Variants in POLQ observed in about 807,000 individuals in gnomAD.
POLQ encodes the protein DNA polymerase theta.
In POLQ, 233 loss-of-function variants were observed where a neutral mutation model predicts 259.2. The observed-to-expected ratio is 0.90, with a 90% CI of 0.81 to 1.00. The LOEUF (loss-of-function observed/expected upper bound fraction) is 1.00, where lower values mean the gene tolerates loss of function less well. POLQ is among the 50% of genes least tolerant of loss of function. POLQ has a pLI of 0.00. For missense variants in POLQ, 2,871 were observed against 3,051.6 expected (o/e 0.94, Z 1.39); for synonymous variants, 1,025 against 1,048.8 (o/e 0.98, Z 0.44).
intron 20 of POLQ, 98 bp downstream of exon 20, chr3:121,476,442 G>T: frequency 1.2e-6 from 1 of 804,954 alleles, no homozygotes; most frequent in South Asian, 2.2e-5. Context: ...CTGACCTTTG[G>T]TGTTCAGGTA....
At chr3:121,438,489 T>C (rs1187001371) in intron 27 of POLQ, among the ~76,000 whole-genome samples, 1 of 152,180 alleles carries the variant, frequency 6.6e-6, no homozygotes, top group African/African-American at 2.4e-5. Flanking sequence ...AGCCTTTTAG[T>C]CTCCTAGGTT....
chr3:121,486,246 A>T (rs2048009728), intron 16 of POLQ, among the ~76,000 whole-genome samples: 1 of 152,208 alleles, frequency 6.6e-6, no homozygotes, highest in African/African-American at 2.4e-5. Context: ...GGATATTACA[A>T]TTTAATAGAA....
At chr3:121,494,708 A>G in intron 14 of POLQ, 1 of 1,581,668 alleles carries the variant, frequency 6.3e-7, no homozygotes, top group Non-Finnish European at 8.6e-7. Flanking sequence ...GACCTGCACC[A>G]CTGTCGCCTT....
At position 121,490,039 on chromosome 3, in the gene POLQ, C is replaced by T; in HGVS notation, c.2892G>A (p.Glu964=). 6.4e-7 allele frequency: 1 copy of T among 1,573,962 alleles called. No individual in the cohort carries two copies. Among genetic ancestry groups the T allele is most frequent in the Non-Finnish European group, 8.6e-7 (1 of 1,165,106 alleles). Residue 964 remains glutamate, a synonymous_variant, in exon 16 of 30, where the codon GAG becomes GAA. Coordinates refer to ENST00000264233, the MANE Select transcript of POLQ (RefSeq NM_199420.4). ...NIVQDLNKSR[E]HTSSFNCNFQ... is the part of the protein sequence containing the mutation. The stretch of plus-strand genomic sequence containing the variant: ...AATTACAATTAAAGGAACTTGTATG[C>T]TCTCTACTTTTATTTAAGTCTTGCA...
chr3:121,453,834 C>A (rs1042886788), intron 25 of POLQ, among the ~76,000 whole-genome samples: 1 of 152,158 alleles, frequency 6.6e-6, no homozygotes, highest in African/African-American at 2.4e-5. Flanking sequence ...AGAACTTCCC[C>A]AATCTAGCAA....
Position 121,511,816 on chromosome 3 carries a change from T to C in POLQ, c.1611+71A>G, listed in dbSNP as rs1576422132. On this transcript the variant is annotated intron_variant, in intron 10 of 29. Coordinates refer to ENST00000264233, the MANE Select transcript of POLQ (RefSeq NM_199420.4). ...AAAAAATAAATAAATAAAGCTAAGA[T>C]TTTCATATACTAACATTTTACTAAT... is the stretch of plus-strand genomic sequence containing the variant. 2.5e-6 allele frequency: 3 copies of C among 1,181,640 alleles called. No individual in the cohort carries two copies. In the East Asian group the frequency reaches 7.3e-5, roughly 29 times the overall value. 73.2% of individuals were successfully genotyped at this position (1,181,640 alleles called of 1,614,324 possible). A position where few individuals can be genotyped will look rare whatever the true frequency, so the allele number is the denominator to read the frequency against.
chr3:121,459,005 T>G (rs1190159225), intron 25 of POLQ, among the ~76,000 whole-genome samples: 2 of 152,204 alleles, frequency 1.3e-5, no homozygotes, highest in African/African-American at 4.8e-5. Context: ...CCTACTGTCT[T>G]GCAAATGGCA....
chr3:121,489,872 G>A lies in POLQ; in HGVS notation c.3059C>T (p.Ser1020Leu), dbSNP rs1472295465. 5.0e-6 allele frequency: 8 copies of A among 1,605,544 alleles called. No individual in the cohort carries two copies. The highest frequency in any genetic ancestry group is 3.4e-6 in the Non-Finnish European group (4 of 1,178,114). The stretch of plus-strand genomic sequence containing the variant: ...CAAAGGTGCCTTTTTTGTTTTCTGT[G>A]AAAAAGTCTGAACAACTTTCTTATC... ...TSDKKVVQTF[S>L]QKTKKAPLNF... The change falls in exon 16 of 30, where the codon TCA becomes TTA. Residue 1020 changes from serine to leucine, a missense_variant. By Grantham distance (145) the Ser-to-Leu change is moderately radical (BLOSUM62 -2). Coordinates refer to ENST00000264233, the MANE Select transcript of POLQ (RefSeq NM_199420.4).
At chr3:121,534,947 C>T (rs2048440001) in intron 5 of POLQ, among the ~76,000 whole-genome samples, 1 of 152,138 alleles carries the variant, frequency 6.6e-6, no homozygotes, top group Non-Finnish European at 1.5e-5. Context: ...TTAAGACTTG[C>T]TTTATGGTCC....
chr3:121,543,887 G>A (rs2048508273), intron 2 of POLQ, among the ~76,000 whole-genome samples: 7 of 151,828 alleles, frequency 4.6e-5, no homozygotes, highest in Admixed American at 4.6e-4. Flanking sequence ...GGAGGCTGAG[G>A]CAGGTGAATC....
At chr3:121,449,949 A>C (rs1156806560) in intron 25 of POLQ, among the ~76,000 whole-genome samples, 1 of 152,266 alleles carries the variant, frequency 6.6e-6, no homozygotes, top group Non-Finnish European at 1.5e-5. Context: ...ATTCACTTAA[A>C]TACAAACAAA....
chr3:121,453,889 A>G (rs1166710863), intron 25 of POLQ, among the ~76,000 whole-genome samples: 1 of 152,232 alleles, frequency 6.6e-6, no homozygotes, highest in African/African-American at 2.4e-5. Context: ...AACGCCACAA[A>G]GATACTCCTC....
intron 12 of POLQ, among the ~76,000 whole-genome samples, chr3:121,507,946 T>C (rs930300373): frequency 3.3e-5 from 5 of 151,472 alleles, no homozygotes; most frequent in African/African-American, 1.2e-4. Context: ...CTAGAACTCC[T>C]GGGCTCAAGT....
In POLQ at chr3:121,489,174, G is replaced by A. The variant is rs201567462; in HGVS notation, c.3757C>T (p.Gln1253Ter). The change falls in exon 16 of 30, where the codon CAG (glutamine) becomes TAG (stop). Residue 1253 changes from glutamine to a stop codon, truncating the protein, a stop_gained. Transcript: ENST00000264233. LOFTEE classifies it high-confidence loss of function. ...CTGCTTATATCATCTCCTAATGCCTGAAAATGACTTGGTTTATTTTCCTCT... is the reference window on the plus strand; with the variant it reads ...CTGCTTATATCATCTCCTAATGCCTAAAAATGACTTGGTTTATTTTCCTCT... ...NTEENKPSHFQALGDDISRTV... is the reference protein window; with the variant it reads ...NTEENKPSHF The A allele has an allele frequency of 1.3e-5, 21 of 1,612,670 alleles. No homozygotes were observed. The highest frequency in any genetic ancestry group is 1.7e-5 in the Non-Finnish European group (20 of 1,179,626).
intron 13 of POLQ, among the ~76,000 whole-genome samples, chr3:121,498,182 TG>T (rs1373283792): frequency 6.6e-6 from 1 of 151,878 alleles, no homozygotes; most frequent in Non-Finnish European, 1.5e-5. Flanking sequence ...TGGTGGCACA[TG>T]CCTGTAATCC....
At chr3:121,479,852 C>T (rs2047957301) in intron 19 of POLQ, among the ~76,000 whole-genome samples, 1 of 151,986 alleles carries the variant, frequency 6.6e-6, no homozygotes, top group East Asian at 1.9e-4. Context: ...AAAATAAAGT[C>T]AGGGGAACTA....
chr3:121,494,589 C>T (rs1172603517), intron 14 of POLQ: 32 of 1,560,366 alleles, frequency 2.1e-5, no homozygotes, highest in South Asian at 9.1e-5. Flanking sequence ...GCACACAACG[C>T]GGATCCCATC....
intron 7 of POLQ, among the ~76,000 whole-genome samples, chr3:121,523,558 C>CA (rs1410128877): frequency 6.6e-6 from 1 of 151,384 alleles, no homozygotes; most frequent in Non-Finnish European, 1.5e-5. Flanking sequence ...AAAAAAAATA[C>CA]AAAAAAATTA....
In POLQ at chr3:121,432,209, T is replaced by C; in HGVS notation, c.*95A>G. ...GCTAAGTCTATCAAGACTTGAAAGTTTGTTTTGCTGAGGTAGGTGAAAGGG... is the reference window on the plus strand; with the variant it reads ...GCTAAGTCTATCAAGACTTGAAAGTCTGTTTTGCTGAGGTAGGTGAAAGGG... On this transcript the variant is annotated 3_prime_UTR_variant, in exon 30 of 30. Transcript: ENST00000264233. The C allele has an allele frequency of 1.2e-5, 14 of 1,143,008 alleles. No homozygotes were observed. The highest frequency in any genetic ancestry group is 1.8e-5 in the South Asian group (1 of 54,114). 70.8% of individuals were successfully genotyped at this position (1,143,008 alleles called of 1,614,324 possible). A position where few individuals can be genotyped will look rare whatever the true frequency, so the allele number is the denominator to read the frequency against.
Sources: gnomAD v4.1 joint callset for allele counts (sites outside exome capture counted in the v4.1 genomes callset) on GRCh38, gnomAD v4.1.1 for gene constraint, MANE v1.5 for transcripts, NCBI Gene and HGNC (gene_info 2026-07-23, HGNC 2026-07-21) for gene names.